DPRX: variants seen among roughly 807,000 people sequenced by gnomAD.
The protein encoded by DPRX is divergent paired-related homeobox.
In DPRX, 11 loss-of-function variants were observed where a neutral mutation model predicts 8.4. That is an observed-to-expected ratio of 1.31 (90% CI 0.82 to 2.17). The LOEUF is 2.17. Ranked by LOEUF, DPRX falls within the 30% of genes most tolerant of loss-of-function variation. The pLI is 0.00. For synonymous variants in DPRX, 72 were observed against 87.0 expected (o/e 0.83, Z 0.96); for missense variants, 211 against 236.7 (o/e 0.89, Z 0.71).
chr19:53,615,993 C>T, the DPRX span, among the ~76,000 whole-genome samples: 3 of 152,080 alleles, frequency 2.0e-5, no homozygotes, highest in African/African-American at 7.2e-5. Flanking sequence ...TGGCTCACCC[C>T]TGTAATCCCA....
At chr19:53,617,236 C>T in the DPRX span, 30 of 796,598 alleles carry the variant, frequency 3.8e-5, no homozygotes, top group Middle Eastern at 2.3e-4. Context: ...ATGAAACTAC[C>T]GGGCTCTCTG....
chr19:53,616,119 G>A, the DPRX span, among the ~76,000 whole-genome samples: 2 of 151,946 alleles, frequency 1.3e-5, no homozygotes, highest in Admixed American at 1.3e-4. Flanking sequence ...GGGCGTGGTG[G>A]TGCATGTCTG....
chr19:53,611,856 G>T, the DPRX span, among the ~76,000 whole-genome samples: 1 of 151,862 alleles, frequency 6.6e-6, no homozygotes, highest in Non-Finnish European at 1.5e-5. Flanking sequence ...GGCCGAGGCA[G>T]GTGGATCACC....
chr19:53,619,147 G>C, the DPRX span, among the ~76,000 whole-genome samples: 6 of 152,108 alleles, frequency 3.9e-5, no homozygotes, highest in Admixed American at 2.0e-4. Flanking sequence ...TGATACAAAG[G>C]CTTCAGTTCC....
At chr19:53,616,391 T>G in the DPRX span, among the ~76,000 whole-genome samples, 1 of 152,180 alleles carries the variant, frequency 6.6e-6, no homozygotes, top group Non-Finnish European at 1.5e-5. Flanking sequence ...TCCGTATATA[T>G]AGCATGGGGT....
At chr19:53,608,556 G>C in the DPRX span, 1 of 152,470 alleles carries the variant, frequency 6.6e-6, no homozygotes, top group South Asian at 2.1e-4. Flanking sequence ...AAAGGGTGCA[G>C]GGTTTCCCGC....
At chr19:53,616,956 T>C in the DPRX span, 1 of 1,266,256 alleles carries the variant, frequency 7.9e-7, no homozygotes, top group South Asian at 1.2e-5. Flanking sequence ...TCGTTTATGA[T>C]GTTACGGTTG....
the DPRX span, among the ~76,000 whole-genome samples, chr19:53,617,902 G>A: frequency 2.6e-5 from 4 of 152,092 alleles, no homozygotes; most frequent in African/African-American, 9.6e-5. Flanking sequence ...CACTTTGGGA[G>A]GCCAAGGTGG....
At chr19:53,623,210 G>A in the DPRX span, among the ~76,000 whole-genome samples, 1 of 152,030 alleles carries the variant, frequency 6.6e-6, no homozygotes, top group African/African-American at 2.4e-5. Flanking sequence ...AGAAGGCTGA[G>A]GCAGGAGAAT....
At chr19:53,619,153 G>A in the DPRX span, among the ~76,000 whole-genome samples, 1 of 152,110 alleles carries the variant, frequency 6.6e-6, no homozygotes, top group Non-Finnish European at 1.5e-5. Flanking sequence ...AAAGGCTTCA[G>A]TTCCAGAGGT....
the DPRX span, among the ~76,000 whole-genome samples, chr19:53,625,353 C>A: frequency 6.6e-6 from 1 of 152,062 alleles, no homozygotes; most frequent in Non-Finnish European, 1.5e-5. Context: ...CGTGTCTGGC[C>A]CTGATCACAG....
At chr19:53,615,229 C>T in the DPRX span, among the ~76,000 whole-genome samples, 1 of 151,874 alleles carries the variant, frequency 6.6e-6, no homozygotes, top group African/African-American at 2.4e-5. Context: ...ACCTCAGCCT[C>T]CCAAAATGCT....
At chr19:53,619,992 A>C in the DPRX span, among the ~76,000 whole-genome samples, 456 of 152,236 alleles carry the variant, frequency 3.0e-3, no homozygotes, top group Non-Finnish European at 5.0e-3. Context: ...CAGAGATGAA[A>C]GACTGGGACA....
the DPRX span, among the ~76,000 whole-genome samples, chr19:53,609,461 G>A: frequency 9.7e-5 from 7 of 72,380 alleles, no homozygotes; most frequent in South Asian, 7.2e-4. Flanking sequence ...AGCGAGACTC[G>A]GTCTCAAAAA....
the DPRX span, among the ~76,000 whole-genome samples, chr19:53,618,454 AAAAC>A: frequency 6.6e-6 from 1 of 151,776 alleles, no homozygotes; most frequent in Non-Finnish European, 1.5e-5. Flanking sequence ...TACTAATTAA[AAAAC>A]AAAATAAGAA....
chr19:53,628,144 A>G (rs1600567912), upstream of DPRX, among the ~76,000 whole-genome samples: 1 of 152,152 alleles, frequency 6.6e-6, no homozygotes, highest in South Asian at 2.1e-4. Flanking sequence ...CCAAAGATAC[A>G]TGTAATCAAA....
At chr19:53,623,306 C>CAAAAAAAA in the DPRX span, among the ~76,000 whole-genome samples, 2,913 of 77,004 alleles carry the variant, frequency 0.038, 58 homozygotes, top group Middle Eastern at 0.1. Context: ...GACTCTGTCT[C>CAAAAAAAA]AAAAAAATAA....
chr19:53,602,267 G>GGTGTGTGTGT, the DPRX span: 208 of 277,376 alleles, frequency 7.5e-4, no homozygotes, highest in Admixed American at 3.6e-3. Flanking sequence ...TATGGGTATG[G>GGTGTGTGTGT]GTGTGTGTGT....
upstream of DPRX, chr19:53,629,823 C>T (rs1483212465): frequency 6.7e-6 from 1 of 149,580 alleles, no homozygotes; most frequent in African/African-American, 2.5e-5. Flanking sequence ...AATTGGGCAT[C>T]CACACTAAGT....
Sources: allele counts gnomAD v4.1 joint callset (sites outside exome capture counted in the v4.1 genomes callset), GRCh38; gene constraint gnomAD v4.1.1; transcripts MANE v1.5; gene names NCBI Gene and HGNC (gene_info 2026-07-23, HGNC 2026-07-21).